The following TMPRSS15 variants were observed in gnomAD, a reference collection of about 807,000 sequenced individuals.
TMPRSS15 encodes the protein transmembrane serine protease 15, also known as enteropeptidase.
TMPRSS15 carries 128 observed loss-of-function variants against 125.3 expected under a neutral mutation model. That is an observed-to-expected ratio of 1.02 (90% CI 0.89 to 1.18). TMPRSS15 has a LOEUF of 1.18. Among genes scored for constraint, TMPRSS15 ranks in the 50% most tolerant of loss-of-function variants. The pLI is 0.00. For missense variants in TMPRSS15, 1,283 were observed against 1,212.7 expected (o/e 1.06, Z -0.86); for synonymous variants, 446 against 423.2 (o/e 1.05, Z -0.66).
chr21:18,472,606 A>G (rs1215153119), intron 1 of TMPRSS15, among the ~76,000 whole-genome samples: 5 of 151,938 alleles, frequency 3.3e-5, no homozygotes, highest in African/African-American at 1.2e-4. Flanking sequence ...AAACTGCTTG[A>G]TGAGTCTAAA....
intron 24 of TMPRSS15, among the ~76,000 whole-genome samples, chr21:18,271,863 A>G (rs537887757): frequency 3.9e-5 from 6 of 152,104 alleles, no homozygotes; most frequent in Non-Finnish European, 8.8e-5. Context: ...TCTGCTGAGG[A>G]TGATGGCTTC....
chr21:18,309,907 T>A (rs2075080363), intron 18 of TMPRSS15, among the ~76,000 whole-genome samples: 1 of 152,124 alleles, frequency 6.6e-6, no homozygotes, highest in Admixed American at 6.6e-5. Context: ...TTGCTCTTGA[T>A]AGGAATTTCG....
chr21:18,385,173 A>T (rs554620868), intron 3 of TMPRSS15, among the ~76,000 whole-genome samples: 53 of 152,306 alleles, frequency 3.5e-4, no homozygotes, highest in African/African-American at 1.3e-3. Flanking sequence ...CATTTGCTTA[A>T]ATTATAGTAG....
At chr21:18,397,821 A>T in intron 3 of TMPRSS15, 58 bp downstream of exon 3, 1 of 999,782 alleles carries the variant, frequency 1.0e-6, no homozygotes, top group Non-Finnish European at 1.5e-6. Context: ...TATTTTACAA[A>T]TATTAGCAAA....
rs558773769 is a variant in TMPRSS15 at position 18,472,347 on chromosome 21, ACTT to A, written c.10+13449_10+13451del. ...AAATAAACGTATGTTCTAAAAATGA[ACTT>A]CTCCCTTTTAGCCTATGGGGTTCAA... On this transcript the variant is annotated intron_variant, in intron 1 of 7. Coordinates refer to the TMPRSS15 transcript ENST00000422787. Among the ~76,000 whole-genome samples the A allele has an allele frequency of 3.8e-3, 571 of 151,760 alleles. 3 individuals carry two copies. The highest frequency in any genetic ancestry group is 0.013 in the African/African-American group (547 of 41,368).
At chr21:18,402,527 CAA>C (rs60612261) in intron 1 of TMPRSS15, among the ~76,000 whole-genome samples, 7 of 109,080 alleles carry the variant, frequency 6.4e-5, no homozygotes, top group Admixed American at 1.0e-4. Flanking sequence ...GACTCTATCT[CAA>C]AAAAAAAAAA....
At chr21:18,407,929 G>T (rs1217204621), upstream of TMPRSS15, among the ~76,000 whole-genome samples, 2 of 152,108 alleles carry the variant, frequency 1.3e-5, no homozygotes, top group Non-Finnish European at 2.9e-5. Context: ...TGAGTAAATT[G>T]TTGTGTACCA....
intron 1 of TMPRSS15, among the ~76,000 whole-genome samples, chr21:18,455,045 A>G (rs1470537814): frequency 6.6e-6 from 1 of 152,068 alleles, no homozygotes; most frequent in East Asian, 1.9e-4. Flanking sequence ...AGTTACCCTC[A>G]TGCTATTCTT....
chr21:18,275,236 T>G lies in TMPRSS15; in HGVS notation c.2865A>C (p.Ile955=), dbSNP rs187533923. The change falls in exon 24 of 25, where the codon ATA becomes ATC. Residue 955 remains isoleucine, a synonymous_variant. Coordinates refer to ENST00000284885, the MANE Select transcript of TMPRSS15 (RefSeq NM_002772.3). ...TTCCTCCTTCTTCATAGCCTGCACA[T>G]ATCATATTTTCAGTAATGTTATATT... ...MPEYNITENM[I]CAGYEEGGID... 6.2e-7 allele frequency: 1 copy of G among 1,614,090 alleles called. No individual in the cohort carries two copies. The highest frequency in any genetic ancestry group is 8.5e-7 in the Non-Finnish European group (1 of 1,179,968).
intron 1 of TMPRSS15, among the ~76,000 whole-genome samples, chr21:18,400,383 G>A (rs1241742190): frequency 1.3e-5 from 2 of 152,084 alleles, no homozygotes; most frequent in Non-Finnish European, 2.9e-5. Context: ...CAGATACATA[G>A]TCCAATGAAA....
intron 16 of TMPRSS15, among the ~76,000 whole-genome samples, chr21:18,322,417 T>C (rs1289084820): frequency 6.6e-6 from 1 of 152,216 alleles, no homozygotes; most frequent in Non-Finnish European, 1.5e-5. Flanking sequence ...CAAAGAGATA[T>C]CTGCTCATCT....
chr21:18,481,078 G>A (rs969611381), intron 1 of TMPRSS15, among the ~76,000 whole-genome samples: 2 of 151,818 alleles, frequency 1.3e-5, no homozygotes, highest in Non-Finnish European at 2.9e-5. Flanking sequence ...TGAAATCCAA[G>A]CTCAGATTAC....
intron 21 of TMPRSS15, among the ~76,000 whole-genome samples, chr21:18,289,899 T>C (rs927849395): frequency 6.6e-4 from 100 of 152,240 alleles, no homozygotes; most frequent in Non-Finnish European, 2.4e-4. Context: ...CAGAGGAATG[T>C]CAGTTTAACA....
intron 21 of TMPRSS15, among the ~76,000 whole-genome samples, chr21:18,293,134 T>C (rs1372711984): frequency 6.6e-6 from 1 of 152,210 alleles, no homozygotes; most frequent in Non-Finnish European, 1.5e-5. Context: ...AATGGGTATT[T>C]AGGCATAAGT....
chr21:18,357,533 C>T (rs1260448513), intron 8 of TMPRSS15, among the ~76,000 whole-genome samples: 1 of 151,672 alleles, frequency 6.6e-6, no homozygotes, highest in Non-Finnish European at 1.5e-5. Context: ...TTATATATTT[C>T]CAATATTGTA....
intron 7 of TMPRSS15, among the ~76,000 whole-genome samples, chr21:18,362,248 A>G (rs2075685539): frequency 6.6e-6 from 1 of 152,102 alleles, no homozygotes. Context: ...ACCTTTAGAG[A>G]ATCTGGAGTC....
chr21:18,377,058 C>G (rs941705175), intron 5 of TMPRSS15, among the ~76,000 whole-genome samples: 13 of 152,040 alleles, frequency 8.6e-5, no homozygotes, highest in Non-Finnish European at 1.3e-4. Flanking sequence ...TTGCCTCGTT[C>G]CCTTCTATAA....
intron 3 of TMPRSS15, among the ~76,000 whole-genome samples, chr21:18,389,687 T>C (rs2075975219): frequency 6.6e-6 from 1 of 152,186 alleles, no homozygotes; most frequent in Non-Finnish European, 1.5e-5. Context: ...AGGTTTCTTT[T>C]GACCATTAAA....
At chr21:18,385,312 C>T (rs1001489691) in intron 3 of TMPRSS15, among the ~76,000 whole-genome samples, 1 of 152,154 alleles carries the variant, frequency 6.6e-6, no homozygotes, top group Non-Finnish European at 1.5e-5. Context: ...CTTTCATCTA[C>T]TTTTCCACAC....
Sources: allele counts gnomAD v4.1 joint callset (sites outside exome capture counted in the v4.1 genomes callset), GRCh38; gene constraint gnomAD v4.1.1; transcripts MANE v1.5; gene names NCBI Gene and HGNC (gene_info 2026-07-23, HGNC 2026-07-21).